VPS54: variants seen among roughly 807,000 people sequenced by gnomAD.
The protein encoded by VPS54 is VPS54 subunit of GARP complex.
Under a neutral mutation model 121.5 loss-of-function variants are expected in VPS54, and 45 were observed. That is an observed-to-expected ratio of 0.37 (90% CI 0.29 to 0.47). The LOEUF is 0.47. Ranked by LOEUF, VPS54 falls within the 20% of genes least tolerant of loss-of-function variation. The pLI, the probability that VPS54 is intolerant of heterozygous loss-of-function variation, is 0.99. For missense variants in VPS54, 1,090 were observed against 1,131.4 expected (o/e 0.96, Z 0.52); for synonymous variants, 371 against 385.8 (o/e 0.96, Z 0.45).
At chr2:64,001,811 C>G (rs1677894232) in intron 1 of VPS54, among the ~76,000 whole-genome samples, 2 of 152,044 alleles carry the variant, frequency 1.3e-5, no homozygotes, top group South Asian at 2.1e-4. Context: ...GAGCTGTGAG[C>G]TGGGCTGCCT....
At chr2:63,894,773 CAT>C (rs1236894465) in intron 22 of VPS54, among the ~76,000 whole-genome samples, 2 of 150,874 alleles carry the variant, frequency 1.3e-5, no homozygotes, top group African/African-American at 4.9e-5. Flanking sequence ...CATATATCAA[CAT>C]AGATAAATCA....
chr2:63,968,998 A>G lies in VPS54; in HGVS notation c.458-7T>C. On this transcript the variant is annotated splice_region_variant and splice_polypyrimidine_tract_variant and intron_variant, in intron 4 of 22. Transcript: ENST00000272322. ...AGATCTGTCCTGGATTTATCTATTT[A>G]AAAAAGAAGGGAAATATTATTTTTA... is the stretch of plus-strand genomic sequence containing the variant. The G allele has an allele frequency of 6.3e-7, 1 of 1,593,680 alleles. No homozygotes were observed. The highest frequency in any genetic ancestry group is 1.4e-5 in the African/African-American group (1 of 73,928).
intron 4 of VPS54, among the ~76,000 whole-genome samples, chr2:63,971,220 T>C (rs1456376572): frequency 6.6e-6 from 1 of 152,212 alleles, no homozygotes; most frequent in African/African-American, 2.4e-5. Flanking sequence ...TAACTGTTAC[T>C]GGAATATCAT....
At chr2:63,954,586 T>G (rs1209583154) in intron 7 of VPS54, among the ~76,000 whole-genome samples, 1 of 152,090 alleles carries the variant, frequency 6.6e-6, no homozygotes, top group Non-Finnish European at 1.5e-5. Flanking sequence ...AATTAGAGTA[T>G]CATAATTTGT....
At chr2:63,916,386 T>A (rs1673379097) in intron 16 of VPS54, among the ~76,000 whole-genome samples, 1 of 152,198 alleles carries the variant, frequency 6.6e-6, no homozygotes, top group African/African-American at 2.4e-5. Flanking sequence ...GTGAATCAAA[T>A]GATGCCAATG....
intron 5 of VPS54, among the ~76,000 whole-genome samples, chr2:63,968,136 G>A (rs1239397694): frequency 1.3e-4 from 20 of 151,970 alleles, no homozygotes; most frequent in Admixed American, 1.3e-3. Flanking sequence ...TTACCCTAAA[G>A]AACAACTGTC....
chr2:63,972,309 G>GT, intron 3 of VPS54, 65 bp from the exon 4 acceptor site: 1 of 1,263,578 alleles, frequency 7.9e-7, no homozygotes. Flanking sequence ...GCATGAAAGT[G>GT]TTTTGCAACA....
At position 63,976,825 on chromosome 2, in the gene VPS54, C is replaced by CTTTTTTTTTTT. The variant is rs1174931536; in HGVS notation, c.379-4592_379-4582dup. ...TTGATACTAGTAGCTTATATCTTCT[C>CTTTTTTTTTTT]TTTTTTTTTTTTTTTTTTTTTGAGA... On this transcript the variant is annotated intron_variant, in intron 3 of 22. Coordinates refer to ENST00000272322, the MANE Select transcript of VPS54 (RefSeq NM_016516.3). Among the ~76,000 whole-genome samples the CTTTTTTTTTTT allele has an allele frequency of 9.5e-4, 85 of 89,678 alleles. 3 individuals are homozygous for CTTTTTTTTTTT. Among genetic ancestry groups the CTTTTTTTTTTT allele is most frequent in the African/African-American group, 3.4e-3 (82 of 24,178 alleles). 58.8% of individuals were successfully genotyped at this position (89,678 alleles called of 152,430 possible). A position where few individuals can be genotyped will look rare whatever the true frequency, so the allele number is the denominator to read the frequency against.
chr2:63,944,945 T>C (rs1559011598), intron 9 of VPS54, among the ~76,000 whole-genome samples: 1 of 152,134 alleles, frequency 6.6e-6, no homozygotes, highest in Non-Finnish European at 1.5e-5. Context: ...GATGGGAGTG[T>C]AAATTAGTTC....
intron 7 of VPS54, among the ~76,000 whole-genome samples, chr2:63,952,573 T>G (rs73935027): frequency 0.033 from 4,967 of 152,268 alleles, 266 homozygotes; most frequent in African/African-American, 0.11. Context: ...GGTAGATGCA[T>G]TATTCTTGTT....
At chr2:63,995,340 T>TC (rs1295091776) in intron 1 of VPS54, among the ~76,000 whole-genome samples, 3 of 152,224 alleles carry the variant, frequency 2.0e-5, no homozygotes, top group African/African-American at 7.2e-5. Flanking sequence ...CCATTTTGAC[T>TC]CCAGGAAAAG....
intron 7 of VPS54, among the ~76,000 whole-genome samples, chr2:63,952,671 C>A (rs1007552801): frequency 2.6e-5 from 4 of 152,100 alleles, no homozygotes; most frequent in African/African-American, 9.7e-5. Context: ...CATCTTACAA[C>A]AGGAAATTAT....
intron 3 of VPS54, chr2:63,974,949 C>A: frequency 6.5e-7 from 1 of 1,531,194 alleles, no homozygotes; most frequent in South Asian, 1.2e-5. Context: ...ACTTCCAAGA[C>A]AATGTTAAAA....
chr2:63,991,104 T>C (rs1339407340), intron 1 of VPS54, among the ~76,000 whole-genome samples: 2 of 152,232 alleles, frequency 1.3e-5, no homozygotes, highest in Admixed American at 1.3e-4. Flanking sequence ...CTGATACTTA[T>C]GCCCAATTAA....
chr2:63,930,692 G>T (rs576340178), intron 12 of VPS54, among the ~76,000 whole-genome samples: 1 of 152,018 alleles, frequency 6.6e-6, no homozygotes, highest in African/African-American at 2.4e-5. Context: ...AAAAATAAAG[G>T]GTATTCAATG....
intron 14 of VPS54, 54 bp downstream of exon 14, chr2:63,920,392 T>C: frequency 7.3e-7 from 1 of 1,370,272 alleles, no homozygotes; most frequent in Non-Finnish European, 9.5e-7. Flanking sequence ...CATAACTGTG[T>C]TTCACAAAGA....
chr2:63,918,482 C>T (rs1240016456), intron 15 of VPS54, among the ~76,000 whole-genome samples: 1 of 55,214 alleles, frequency 1.8e-5, no homozygotes, highest in African/African-American at 1.2e-4. Context: ...TTGGAGTGGT[C>T]AGAGTTTTAT....
At chr2:63,976,350 C>CAAAAAAAAAAAA (rs371137546) in intron 3 of VPS54, among the ~76,000 whole-genome samples, 4 of 93,928 alleles carry the variant, frequency 4.3e-5, no homozygotes, top group Admixed American at 1.1e-4. Context: ...GACCTTGTCT[C>CAAAAAAAAAAAA]AAAAAAAAAA....
At chr2:63,917,667 A>G (rs1673446452) in intron 15 of VPS54, among the ~76,000 whole-genome samples, 1 of 152,020 alleles carries the variant, frequency 6.6e-6, no homozygotes, top group African/African-American at 2.4e-5. Context: ...TGAGAGCTAT[A>G]TATATTGCAA....
Sources: allele counts gnomAD v4.1 joint callset (sites outside exome capture counted in the v4.1 genomes callset), GRCh38; gene constraint gnomAD v4.1.1; transcripts MANE v1.5; gene names NCBI Gene and HGNC (gene_info 2026-07-23, HGNC 2026-07-21).